The following LYPLAL1 variants were observed in gnomAD, a reference collection of about 807,000 sequenced individuals.
The protein encoded by LYPLAL1 is lysophospholipase-like protein 1.
A neutral mutation model predicts 19.7 loss-of-function variants in LYPLAL1; 23 were observed. The observed-to-expected ratio is 1.17, with a 90% CI of 0.84 to 1.65. The LOEUF (loss-of-function observed/expected upper bound fraction) is 1.65, where lower values mean the gene tolerates loss of function less well. LYPLAL1 is among the 40% of genes most tolerant of loss of function. LYPLAL1 has a pLI of 0.00. For missense variants in LYPLAL1, 355 were observed against 279.4 expected (o/e 1.27, Z -1.93); for synonymous variants, 119 against 96.3 (o/e 1.24, Z -1.38).
At chr1:219,361,746 A>G in the LYPLAL1 span, among the ~76,000 whole-genome samples, 1 of 152,148 alleles carries the variant, frequency 6.6e-6, no homozygotes, top group Middle Eastern at 3.2e-3. Context: ...TGTTATTAAG[A>G]GAAAATTATT....
chr1:219,358,036 T>C, the LYPLAL1 span, among the ~76,000 whole-genome samples: 4 of 152,036 alleles, frequency 2.6e-5, no homozygotes, highest in Non-Finnish European at 5.9e-5. Context: ...CAGGAGACAT[T>C]TTGGGGTGGT....
In LYPLAL1 at chr1:219,210,639, G is replaced by T; in HGVS notation, c.469G>T (p.Val157Phe). The change falls in exon 4 of 5, where the codon GTT becomes TTT. Residue 157 changes from valine to phenylalanine, a missense_variant. Physicochemically the swap from Val to Phe is conservative, Grantham distance 50. Coordinates refer to ENST00000366928, the MANE Select transcript of LYPLAL1 (RefSeq NM_138794.5). ...TAGTTTTCTGAATAAAGCATCTGCT[G>T]TTTACCAGGTAAGTTCCAGATTTAA... ...LSSFLNKASAVYQALQKSNGV... is the reference protein window; with the variant it reads ...LSSFLNKASAFYQALQKSNGV... 1.2e-6 allele frequency: 2 copies of T among 1,603,850 alleles called. No homozygotes were observed. Among genetic ancestry groups the T allele is most frequent in the Non-Finnish European group, 1.7e-6 (2 of 1,175,674 alleles).
the LYPLAL1 span, among the ~76,000 whole-genome samples, chr1:219,267,764 G>A: frequency 6.6e-6 from 1 of 152,190 alleles, no homozygotes; most frequent in South Asian, 2.1e-4. Flanking sequence ...TTGCAGAGTA[G>A]AGATTCAAAG....
At chr1:219,396,934 G>A in the LYPLAL1 span, among the ~76,000 whole-genome samples, 8,498 of 152,218 alleles carry the variant, frequency 0.056, 338 homozygotes, top group South Asian at 0.088. Context: ...GCTCTGGCTA[G>A]GACTTCCAAT....
chr1:219,203,419 G>A (rs1484455163), intron 3 of LYPLAL1, among the ~76,000 whole-genome samples: 1 of 151,968 alleles, frequency 6.6e-6, no homozygotes, highest in Non-Finnish European at 1.5e-5. Flanking sequence ...GTTATGTGCT[G>A]GAGTATAAAA....
At chr1:219,290,490 G>A in the LYPLAL1 span, among the ~76,000 whole-genome samples, 22 of 152,094 alleles carry the variant, frequency 1.4e-4, no homozygotes, top group Non-Finnish European at 2.9e-4. Flanking sequence ...TAATAATATT[G>A]ATTTTTACAA....
At chr1:219,340,339 C>T in the LYPLAL1 span, among the ~76,000 whole-genome samples, 92 of 152,018 alleles carry the variant, frequency 6.1e-4, no homozygotes, top group Non-Finnish European at 1.2e-3. Flanking sequence ...TTGATTTAAC[C>T]CCAGGCTCAA....
At chr1:219,234,708 A>G in the LYPLAL1 span, among the ~76,000 whole-genome samples, 1 of 152,154 alleles carries the variant, frequency 6.6e-6, no homozygotes, top group Non-Finnish European at 1.5e-5. Context: ...TTCCTATAGA[A>G]TTTTAAGTTT....
At chr1:219,438,931 A>G in the LYPLAL1 span, among the ~76,000 whole-genome samples, 1 of 152,316 alleles carries the variant, frequency 6.6e-6, no homozygotes, top group Admixed American at 6.5e-5. Context: ...TTTAGACAGA[A>G]AGCTAAGCAC....
At chr1:219,341,044 C>A in the LYPLAL1 span, among the ~76,000 whole-genome samples, 1 of 152,072 alleles carries the variant, frequency 6.6e-6, no homozygotes, top group Non-Finnish European at 1.5e-5. Context: ...CACTAACATT[C>A]CATGTGCATG....
chr1:219,356,363 G>A, the LYPLAL1 span, among the ~76,000 whole-genome samples: 1 of 152,040 alleles, frequency 6.6e-6, no homozygotes. Context: ...AGCTGGGCAT[G>A]GTGATGCGCA....
At chr1:219,328,346 G>T in the LYPLAL1 span, among the ~76,000 whole-genome samples, 1 of 152,286 alleles carries the variant, frequency 6.6e-6, no homozygotes, top group East Asian at 1.9e-4. Flanking sequence ...CCTAGGTGAT[G>T]TACCCTTCGT....
intron 3 of LYPLAL1, among the ~76,000 whole-genome samples, chr1:219,207,432 A>T (rs2125108676): frequency 6.6e-6 from 1 of 152,098 alleles, no homozygotes; most frequent in South Asian, 2.1e-4. Context: ...GGAGCACACT[A>T]ATCATTCATT....
chr1:219,181,979 A>G (rs1271425188), intron 2 of LYPLAL1, among the ~76,000 whole-genome samples: 1 of 152,252 alleles, frequency 6.6e-6, no homozygotes, highest in Non-Finnish European at 1.5e-5. Flanking sequence ...AGGAATGAGT[A>G]ATTGTGGGTA....
At chr1:219,209,983 C>G (rs952965535) in intron 3 of LYPLAL1, among the ~76,000 whole-genome samples, 1 of 152,058 alleles carries the variant, frequency 6.6e-6, no homozygotes, top group East Asian at 1.9e-4. Context: ...TTTATTATAT[C>G]ACCATAAATT....
At chr1:219,388,871 C>G in the LYPLAL1 span, among the ~76,000 whole-genome samples, 3 of 152,030 alleles carry the variant, frequency 2.0e-5, no homozygotes. Context: ...CTCCTTTATT[C>G]AAAATATCTC....
chr1:219,404,671 TTAGA>T, the LYPLAL1 span, among the ~76,000 whole-genome samples: 2 of 152,052 alleles, frequency 1.3e-5, no homozygotes, highest in African/African-American at 2.4e-5. Context: ...AAAAATACAG[TTAGA>T]TAGAAGGAAT....
intron 2 of LYPLAL1, among the ~76,000 whole-genome samples, chr1:219,189,970 CT>C (rs1330035628): frequency 6.6e-6 from 1 of 151,478 alleles, no homozygotes; most frequent in Non-Finnish European, 1.5e-5. Flanking sequence ...CCTTACACAA[CT>C]TCAAAATATG....
chr1:219,324,326 T>C, the LYPLAL1 span, among the ~76,000 whole-genome samples: 2 of 152,210 alleles, frequency 1.3e-5, no homozygotes, highest in Non-Finnish European at 2.9e-5. Context: ...TATAGCTCCT[T>C]CATAGAATGT....
Sources: allele counts gnomAD v4.1 joint callset (sites outside exome capture counted in the v4.1 genomes callset), GRCh38; gene constraint gnomAD v4.1.1; transcripts MANE v1.5; gene names NCBI Gene and HGNC (gene_info 2026-07-23, HGNC 2026-07-21).